The following GALNT13 variants were observed in gnomAD, a reference collection of about 807,000 sequenced individuals.
GALNT13 encodes UDP-GalNAc:polypeptide N-acetylgalactosaminyltransferase 13.
In GALNT13, 28 loss-of-function variants were observed where a neutral mutation model predicts 64.2. That is an observed-to-expected ratio of 0.44 (90% CI 0.32 to 0.60). The LOEUF is 0.60. Ranked by LOEUF, GALNT13 falls within the 20% of genes least tolerant of loss-of-function variation. The pLI is 0.05. For synonymous variants in GALNT13, 214 were observed against 224.6 expected (o/e 0.95, Z 0.42); for missense variants, 577 against 669.8 (o/e 0.86, Z 1.53).
At chr2:153,176,002 G>C in the GALNT13 span, among the ~76,000 whole-genome samples, 1 of 152,232 alleles carries the variant, frequency 6.6e-6, no homozygotes, top group Admixed American at 6.5e-5. Context: ...ATGTCCTATG[G>C]GAGAGAGAGG....
chr2:153,764,887 G>C, the GALNT13 span, among the ~76,000 whole-genome samples: 1 of 152,242 alleles, frequency 6.6e-6, no homozygotes. Flanking sequence ...GTATGGCTCA[G>C]GCCATTGCTT....
chr2:153,523,634 A>C, the GALNT13 span, among the ~76,000 whole-genome samples: 1 of 152,266 alleles, frequency 6.6e-6, no homozygotes, highest in Non-Finnish European at 1.5e-5. Flanking sequence ...GGTAGAGGGG[A>C]ACGTGATTGA....
intron 4 of GALNT13, among the ~76,000 whole-genome samples, chr2:154,204,582 G>A (rs528882084): frequency 6.6e-6 from 1 of 152,262 alleles, no homozygotes; most frequent in African/African-American, 2.4e-5. Context: ...CCACAGAGTT[G>A]CCAAAGTTAA....
the GALNT13 span, among the ~76,000 whole-genome samples, chr2:153,615,897 C>G: frequency 6.6e-6 from 1 of 151,826 alleles, no homozygotes; most frequent in South Asian, 2.1e-4. Context: ...TGTCTCACTA[C>G]TTTGTTGTTT....
intron 4 of GALNT13, among the ~76,000 whole-genome samples, chr2:154,159,658 T>G (rs1220125703): frequency 6.6e-6 from 1 of 152,134 alleles, no homozygotes; most frequent in East Asian, 1.9e-4. Flanking sequence ...TGTATTGGGA[T>G]GAGTTAGTGT....
chr2:154,208,076 G>T (rs1403601257), intron 4 of GALNT13, among the ~76,000 whole-genome samples: 1 of 152,010 alleles, frequency 6.6e-6, no homozygotes, highest in Admixed American at 6.6e-5. Flanking sequence ...TTTTTCATAA[G>T]TTCCAGTTAG....
chr2:154,058,550 C>G (rs932851378), intron 3 of GALNT13, among the ~76,000 whole-genome samples: 3 of 152,072 alleles, frequency 2.0e-5, no homozygotes, highest in Non-Finnish European at 4.4e-5. Context: ...AGTAGGAGGT[C>G]TGGGTAGGCC....
the GALNT13 span, among the ~76,000 whole-genome samples, chr2:153,799,397 G>T: frequency 1.1e-4 from 17 of 152,196 alleles, no homozygotes; most frequent in East Asian, 3.3e-3. Flanking sequence ...ATAGTTACTA[G>T]AAATTGTATT....
At chr2:153,647,737 T>A in the GALNT13 span, among the ~76,000 whole-genome samples, 1 of 152,200 alleles carries the variant, frequency 6.6e-6, no homozygotes, top group East Asian at 1.9e-4. Flanking sequence ...TTTCCCCATT[T>A]CTTGTTTTTC....
At chr2:153,575,248 T>G in the GALNT13 span, among the ~76,000 whole-genome samples, 7 of 152,308 alleles carry the variant, frequency 4.6e-5, no homozygotes, top group East Asian at 1.4e-3. Context: ...CTGAGCCACC[T>G]AAAGCTGCAG....
chr2:154,135,122 G>A (rs1273042895), intron 3 of GALNT13, among the ~76,000 whole-genome samples: 1 of 152,168 alleles, frequency 6.6e-6, no homozygotes, highest in Non-Finnish European at 1.5e-5. Flanking sequence ...CATTCAAGCA[G>A]TAGTTTACTT....
At chr2:153,302,519 C>A in the GALNT13 span, among the ~76,000 whole-genome samples, 2 of 150,330 alleles carry the variant, frequency 1.3e-5, no homozygotes, top group East Asian at 4.1e-4. Flanking sequence ...CGTAAGTTGT[C>A]GTCTCTTCAG....
chr2:153,727,585 T>C, the GALNT13 span, among the ~76,000 whole-genome samples: 2 of 152,168 alleles, frequency 1.3e-5, no homozygotes, highest in Admixed American at 6.5e-5. Flanking sequence ...ATACGACTCA[T>C]CTATAAGAGT....
chr2:154,035,497 G>T (rs1037261272), intron 3 of GALNT13, among the ~76,000 whole-genome samples: 1 of 151,892 alleles, frequency 6.6e-6, no homozygotes, highest in Non-Finnish European at 1.5e-5. Flanking sequence ...CAAATGTCTA[G>T]CATGCTATGT....
intron 9 of GALNT13, among the ~76,000 whole-genome samples, chr2:154,304,480 A>G (rs977877546): frequency 1.3e-5 from 2 of 152,252 alleles, no homozygotes; most frequent in Non-Finnish European, 2.9e-5. Context: ...TGCAATGTAC[A>G]TTCAGGAATA....
chr2:154,330,222 A>G (rs991574673), intron 9 of GALNT13, among the ~76,000 whole-genome samples: 2 of 152,120 alleles, frequency 1.3e-5, no homozygotes, highest in Admixed American at 1.3e-4. Context: ...AATGACCAGC[A>G]CATGTTTTCT....
the GALNT13 span, among the ~76,000 whole-genome samples, chr2:153,674,830 C>CA: frequency 2.0e-5 from 3 of 151,962 alleles, no homozygotes; most frequent in East Asian, 5.8e-4. Context: ...CCATAATCTA[C>CA]AAAAAACTTA....
chr2:153,388,636 G>A, the GALNT13 span, among the ~76,000 whole-genome samples: 1 of 152,042 alleles, frequency 6.6e-6, no homozygotes, highest in African/African-American at 2.4e-5. Context: ...AGAGTTTGAA[G>A]GGACTTTTGC....
chr2:154,320,137 A>G (rs1028687953), intron 9 of GALNT13, among the ~76,000 whole-genome samples: 33 of 152,148 alleles, frequency 2.2e-4, no homozygotes, highest in Non-Finnish European at 4.1e-4. Context: ...CTATTTACCA[A>G]GATGAGGTTT....
Sources: allele counts gnomAD v4.1 joint callset (sites outside exome capture counted in the v4.1 genomes callset), GRCh38; gene constraint gnomAD v4.1.1; transcripts MANE v1.5; gene names NCBI Gene and HGNC (gene_info 2026-07-23, HGNC 2026-07-21).